CHAF1A: variants seen among roughly 807,000 people sequenced by gnomAD.
CHAF1A encodes the protein chromatin assembly factor 1 subunit A, also known as CAF-1 subunit A.
CHAF1A carries 5 observed loss-of-function variants against 93.2 expected under a neutral mutation model. The ratio of observed to expected loss-of-function variants is 0.05; its 90% CI spans 0.03 to 0.11. CHAF1A has a LOEUF of 0.11. CHAF1A is among the 10% of genes least tolerant of loss of function. The pLI is 1.00. For synonymous variants in CHAF1A, 504 were observed against 510.3 expected, an observed-to-expected ratio of 0.99 and a Z score of 0.17; for missense variants, 1,102 against 1,259.9, an observed-to-expected ratio of 0.87 and a Z score of 1.90.
chr19:4,423,532 T>C lies in CHAF1A; in HGVS notation c.1308+137T>C, dbSNP rs879213668. Reference sequence around the variant, plus strand: ...AAATGGCGCCCGCAGGGAGGGCGAGTCTGTCTAGATGCGTTCTTGTTGCTT... The same window carrying C: ...AAATGGCGCCCGCAGGGAGGGCGAGCCTGTCTAGATGCGTTCTTGTTGCTT... On this transcript the variant is annotated intron_variant, in intron 6 of 14. Coordinates refer to ENST00000301280, the MANE Select transcript of CHAF1A (RefSeq NM_005483.3). 7 of 1,446,216 alleles carry C rather than the reference T, an allele frequency of 4.8e-6. No homozygotes were observed. In the East Asian group the frequency reaches 1.6e-4, roughly 34 times the overall value. 89.6% of individuals were successfully genotyped at this position (1,446,216 alleles called of 1,614,324 possible). A position where few individuals can be genotyped will look rare whatever the true frequency, so the allele number is the denominator to read the frequency against.
chr19:4,426,277 C>A (rs1974079552), intron 7 of CHAF1A, among the ~76,000 whole-genome samples: 1 of 151,382 alleles, frequency 6.6e-6, no homozygotes, highest in African/African-American at 2.4e-5. Context: ...ACACCATTCT[C>A]CTGCCTCAGC....
Position 4,432,123 on chromosome 19 carries a change from T to C in CHAF1A, c.2119T>C (p.Phe707Leu). 6.2e-7 allele frequency: 1 copy of C among 1,613,676 alleles called. No homozygotes were observed. The highest frequency in any genetic ancestry group is 1.7e-5 in the Admixed American group (1 of 59,986). ...AGDDLKVLQQ[F>L]AACFLETLPA... The stretch of plus-strand genomic sequence containing the variant: ...CGATGACCTGAAGGTACTGCAGCAG[T>C]TCGCAGCCTGCTTCCTGGAGACCCT... The change falls in exon 12 of 15, where the codon TTC becomes CTC. Residue 707 changes from phenylalanine (F) to leucine (L), a missense_variant. Transcript: ENST00000301280.
Position 4,443,214 on chromosome 19 carries a change from T to A in CHAF1A, c.*189T>A. 1.6e-6 allele frequency: 1 copy of A among 611,332 alleles called. No homozygotes were observed. The highest frequency in any genetic ancestry group is 3.0e-6 in the Non-Finnish European group (1 of 334,016). The allele number at this position is 611,332 out of a possible 1,614,324, so 37.9% of individuals were successfully genotyped here. A position where few individuals can be genotyped will look rare whatever the true frequency, so the allele number is the denominator to read the frequency against. On this transcript the variant is annotated 3_prime_UTR_variant, in exon 15 of 15. Coordinates refer to ENST00000301280, the MANE Select transcript of CHAF1A (RefSeq NM_005483.3). ...TAAAAATTCCCCCAAGAGCCGCATATGAATCTGCCCTTTAATAAAGCATTA... is the reference window on the plus strand; with the variant it reads ...TAAAAATTCCCCCAAGAGCCGCATAAGAATCTGCCCTTTAATAAAGCATTA...
chr19:4,413,920 C>T (rs542319993), intron 3 of CHAF1A, among the ~76,000 whole-genome samples: 1 of 152,116 alleles, frequency 6.6e-6, no homozygotes, highest in Non-Finnish European at 1.5e-5. Context: ...GGGAAAGAAC[C>T]ATTTCTGAAG....
At chr19:4,425,550 T>C (rs1293181615) in intron 7 of CHAF1A, among the ~76,000 whole-genome samples, 1 of 152,220 alleles carries the variant, frequency 6.6e-6, no homozygotes, top group African/African-American at 2.4e-5. Context: ...TCTCACTGTG[T>C]TGCCAGGGCT....
intron 3 of CHAF1A, among the ~76,000 whole-genome samples, chr19:4,412,906 G>A (rs961698580): frequency 1.3e-5 from 2 of 152,192 alleles, no homozygotes; most frequent in African/African-American, 2.4e-5. Flanking sequence ...AGCTATGAGG[G>A]AAGCGATTAT....
chr19:4,430,741 A>G (rs2145127305), intron 11 of CHAF1A, 100 bp downstream of exon 11: 2 of 1,253,322 alleles, frequency 1.6e-6, no homozygotes, highest in Non-Finnish European at 1.1e-6. Flanking sequence ...TCCCAGCCCA[A>G]CCATACGAGA....
intron 1 of CHAF1A, among the ~76,000 whole-genome samples, chr19:4,404,638 A>C (rs1390721516): frequency 1.3e-5 from 2 of 152,176 alleles, no homozygotes; most frequent in Non-Finnish European, 2.9e-5. Context: ...GGAGTTTTTT[A>C]GGAAGCCCCA....
intron 10 of CHAF1A, among the ~76,000 whole-genome samples, chr19:4,430,325 G>A (rs983371951): frequency 2.0e-5 from 3 of 152,064 alleles, no homozygotes; most frequent in African/African-American, 7.2e-5. Context: ...TTATAGGTGC[G>A]TGCCACCATG....
chr19:4,408,502 C>T (rs1973727694), intron 2 of CHAF1A, among the ~76,000 whole-genome samples: 1 of 50,146 alleles, frequency 2.0e-5, no homozygotes, highest in African/African-American at 1.1e-4. Context: ...GAGAGGGAGT[C>T]TGTCTCTGTC....
intron 7 of CHAF1A, among the ~76,000 whole-genome samples, chr19:4,428,462 G>A (rs911248711): frequency 7.9e-5 from 12 of 151,982 alleles, no homozygotes; most frequent in African/African-American, 1.2e-4. Context: ...TCCCCCCACC[G>A]CCGGCCCTTG....
chr19:4,419,549 C>G (rs1019081365), intron 4 of CHAF1A, among the ~76,000 whole-genome samples: 1 of 151,994 alleles, frequency 6.6e-6, no homozygotes, highest in African/African-American at 2.4e-5. Context: ...CCTGCCTCAG[C>G]CTCTCGAGTA....
intron 13 of CHAF1A, among the ~76,000 whole-genome samples, chr19:4,439,438 C>A (rs1974346669): frequency 6.6e-6 from 1 of 152,188 alleles, no homozygotes; most frequent in African/African-American, 2.4e-5. Context: ...TGACAGCTGT[C>A]CCCGTGAAGC....
At chr19:4,448,035 G>A (rs1974574864), downstream of CHAF1A, 2 of 539,220 alleles carry the variant, frequency 3.7e-6, no homozygotes, top group South Asian at 4.3e-5. Context: ...GACCCGGGGA[G>A]TGGGGTGGGA....
At chr19:4,424,074 C>T (rs1425772817) in intron 7 of CHAF1A, among the ~76,000 whole-genome samples, 200 bp downstream of exon 7, 2 of 152,158 alleles carry the variant, frequency 1.3e-5, no homozygotes, top group African/African-American at 4.8e-5. Flanking sequence ...TAAAAAGTGG[C>T]ATGTCTGATT....
chr19:4,421,820 C>T (rs1326713922), intron 4 of CHAF1A, among the ~76,000 whole-genome samples: 3 of 151,974 alleles, frequency 2.0e-5, no homozygotes, highest in Admixed American at 6.6e-5. Context: ...ACTGGAGGCT[C>T]CTCCTGGAGC....
intron 3 of CHAF1A, among the ~76,000 whole-genome samples, chr19:4,416,993 T>C (rs1555749252): frequency 6.6e-6 from 1 of 152,154 alleles, no homozygotes; most frequent in Non-Finnish European, 1.5e-5. Context: ...ATTTGATTAA[T>C]TTAGTATCTT....
rs777034898 is a variant in CHAF1A, at chr19:4,433,960, T to C, written c.2673+421T>C. ...AGTTTTAGGGTCACAGCAAAATCGA[T>C]TGGAAGGTACAGAAAGTTCCCATAC... On this transcript the variant is annotated intron_variant, in intron 13 of 14. Transcript: ENST00000301280. This position sits in a 1 kb window ranked among gnomAD's most constrained non-coding sequence, Gnocchi z 5.6. 2.6e-5 allele frequency among the ~76,000 whole-genome samples: 4 copies of C among 151,994 alleles called. No individual in the cohort carries two copies. Among genetic ancestry groups the C allele is most frequent in the African/African-American group, 4.8e-5 (2 of 41,374 alleles).
At chr19:4,412,919 G>T (rs1973832473) in intron 3 of CHAF1A, among the ~76,000 whole-genome samples, 1 of 152,156 alleles carries the variant, frequency 6.6e-6, no homozygotes, top group South Asian at 2.1e-4. Flanking sequence ...GCGATTATCG[G>T]GAGGCCTCCT....
Sources: gnomAD v4.1 joint callset for allele counts (sites outside exome capture counted in the v4.1 genomes callset) on GRCh38, gnomAD v4.1.1 for gene constraint, Gnocchi (gnomAD v3.1) non-coding constraint, MANE v1.5 for transcripts, NCBI Gene and HGNC (gene_info 2026-07-23, HGNC 2026-07-21) for gene names.